Variants in TRIM5 observed in about 807,000 individuals in gnomAD.
TRIM5 encodes tripartite motif-containing protein 5.
Under a neutral mutation model 35.6 loss-of-function variants are expected in TRIM5, and 31 were observed. The ratio of observed to expected loss-of-function variants is 0.87; its 90% confidence interval spans 0.65 to 1.18. The LOEUF (loss-of-function observed/expected upper bound fraction) is 1.18. TRIM5 is among the 50% of genes most tolerant of loss of function. The pLI, the probability that TRIM5 is intolerant of heterozygous loss-of-function variation, is 0.00. For synonymous variants in TRIM5, 243 were observed against 215.6 expected, an observed-to-expected ratio of 1.13 and a Z score of -1.11; for missense variants, 609 against 591.6, an observed-to-expected ratio of 1.03 and a Z score of -0.31.
In TRIM5 at chr11:5,671,856, A is replaced by G. The variant is rs148060275; in HGVS notation, c.745-4145T>C. On this transcript the variant is annotated intron_variant, in intron 4 of 7. Coordinates refer to ENST00000380034, the MANE Select transcript of TRIM5 (RefSeq NM_033034.3). The stretch of plus-strand genomic sequence containing the variant: ...TTCTATAAAAATTAATATTTCATCT[A>G]TATTAATATCTAAATCTATGTTCAA... 6.8e-4 allele frequency among the ~76,000 whole-genome samples: 103 copies of G among 152,268 alleles called. 1 individual carries two copies. Among genetic ancestry groups the G allele is most frequent in the Admixed American group, 1.3e-3 (20 of 15,306 alleles).
chr11:5,596,388 A>T, the TRIM5 span, among the ~76,000 whole-genome samples: 1 of 151,822 alleles, frequency 6.6e-6, no homozygotes, highest in Non-Finnish European at 1.5e-5. Flanking sequence ...AAAGAGAGTT[A>T]AACCTCTATT....
chr11:5,662,442 T>C (rs1850862121), downstream of TRIM5, among the ~76,000 whole-genome samples: 1 of 125,102 alleles, frequency 8.0e-6, no homozygotes, highest in South Asian at 2.2e-4. Flanking sequence ...CATGCCTTTG[T>C]TACTTTAATG....
the TRIM5 span, chr11:5,643,286 A>G: frequency 6.2e-7 from 1 of 1,614,058 alleles, no homozygotes; most frequent in South Asian, 1.1e-5. Flanking sequence ...CCTCTGGGAA[A>G]CATTACTGGG....
At chr11:5,682,499 G>T (rs1852563756) in intron 1 of TRIM5, among the ~76,000 whole-genome samples, 1 of 152,166 alleles carries the variant, frequency 6.6e-6, no homozygotes, top group Non-Finnish European at 1.5e-5. Context: ...GACTGGGAAA[G>T]TTATTTTTCT....
the TRIM5 span, chr11:5,643,506 T>G: frequency 6.2e-7 from 1 of 1,614,218 alleles, no homozygotes; most frequent in South Asian, 1.1e-5. Context: ...TCCCGAGGTT[T>G]TGACTCTCTC....
the TRIM5 span, among the ~76,000 whole-genome samples, chr11:5,593,204 AGTTAG>A: frequency 6.6e-6 from 1 of 152,254 alleles, no homozygotes; most frequent in Non-Finnish European, 1.5e-5. Context: ...CAGAAAATCC[AGTTAG>A]GCCTATCCTG....
chr11:5,628,314 C>G, the TRIM5 span, among the ~76,000 whole-genome samples: 453 of 152,300 alleles, frequency 3.0e-3, 1 homozygote, highest in African/African-American at 1.0e-2. Context: ...CAAAGAACCC[C>G]ACATCTGTGG....
chr11:5,590,234 C>A, the TRIM5 span: 1 of 168,262 alleles, frequency 5.9e-6, no homozygotes. Flanking sequence ...CGCCCAGTCC[C>A]ATCGACCACC....
At chr11:5,651,903 G>A in the TRIM5 span, among the ~76,000 whole-genome samples, 2 of 152,214 alleles carry the variant, frequency 1.3e-5, no homozygotes, top group Non-Finnish European at 2.9e-5. Context: ...TAGTGATGTT[G>A]AGCATTTTTT....
chr11:5,649,289 C>G, the TRIM5 span, among the ~76,000 whole-genome samples: 1 of 152,236 alleles, frequency 6.6e-6, no homozygotes, highest in East Asian at 1.9e-4. Flanking sequence ...TCCATATTCT[C>G]TTTCCTCTCA....
the TRIM5 span, among the ~76,000 whole-genome samples, chr11:5,613,908 T>TTA: frequency 3.7e-3 from 22 of 5,982 alleles, no homozygotes; most frequent in African/African-American, 0.012. Context: ...GATATTTACT[T>TTA]CTTTATAAGT....
At position 5,663,612 on chromosome 11, in the gene TRIM5, G is replaced by A. The variant is rs1850913961; in HGVS notation, c.*1197C>T. On this transcript the variant is annotated 3_prime_UTR_variant, in exon 8 of 8. Transcript: ENST00000380034. ...TTCACAATGATCCAAAGTATTAGAT[G>A]AAGGTTTTTTGTTTTATTTTGCTTT... 2.1e-6 allele frequency: 2 copies of A among 949,042 alleles called. No homozygotes were observed. The highest frequency in any genetic ancestry group is 4.9e-5 in the South Asian group (1 of 20,608). The allele number at this position is 949,042 out of a possible 1,614,324, so 58.8% of individuals were successfully genotyped here.
chr11:5,600,074 C>T, the TRIM5 span, among the ~76,000 whole-genome samples: 1 of 152,172 alleles, frequency 6.6e-6, no homozygotes, highest in Non-Finnish European at 1.5e-5. Flanking sequence ...GTAAATACGT[C>T]TGTAACACCA....
chr11:5,603,688 C>T, the TRIM5 span: 2 of 1,613,268 alleles, frequency 1.2e-6, no homozygotes, highest in East Asian at 2.2e-5. Context: ...TCAGGAGCAC[C>T]GTGGTCACCA....
chr11:5,632,526 T>G, the TRIM5 span: 9 of 1,614,030 alleles, frequency 5.6e-6, no homozygotes, highest in Non-Finnish European at 7.6e-6. Context: ...GTTACTCATT[T>G]GAACATCTAC....
chr11:5,611,489 T>G, the TRIM5 span: 1 of 746,868 alleles, frequency 1.3e-6, no homozygotes, highest in East Asian at 2.6e-5. Flanking sequence ...AATCTCGCTC[T>G]GTCGCCCAGG....
At chr11:5,676,382 A>G (rs1851982684) in intron 4 of TRIM5, among the ~76,000 whole-genome samples, 1 of 152,192 alleles carries the variant, frequency 6.6e-6, no homozygotes, top group African/African-American at 2.4e-5. Context: ...TAAAATACCT[A>G]GGAATCCAAC....
At chr11:5,593,763 A>ATACCACCC in the TRIM5 span, among the ~76,000 whole-genome samples, 1 of 152,194 alleles carries the variant, frequency 6.6e-6, no homozygotes, top group African/African-American at 2.4e-5. Context: ...CTGAGTCTAG[A>ATACCACCC]ACTGCAGCAG....
chr11:5,596,365 G>C, the TRIM5 span, among the ~76,000 whole-genome samples: 2 of 152,162 alleles, frequency 1.3e-5, no homozygotes, highest in Middle Eastern at 3.2e-3. Context: ...TTGCAGCTGG[G>C]AATAGGCCGT....
Sources: allele counts gnomAD v4.1 joint callset (sites outside exome capture counted in the v4.1 genomes callset), GRCh38; gene constraint gnomAD v4.1.1; transcripts MANE v1.5; gene names NCBI Gene and HGNC (gene_info 2026-07-23, HGNC 2026-07-21).